Variants in RBL1 observed in about 807,000 individuals in gnomAD.
The protein encoded by RBL1 is RB transcriptional corepressor like 1.
In RBL1, 82 loss-of-function variants were observed where a neutral mutation model predicts 123.0. The observed-to-expected ratio is 0.67, with a 90% CI of 0.56 to 0.80. The LOEUF (loss-of-function observed/expected upper bound fraction) is 0.80, where lower values mean the gene tolerates loss of function less well. Ranked by LOEUF, RBL1 falls within the 30% of genes least tolerant of loss-of-function variation. The probability of loss-of-function intolerance (pLI) is 0.00; values close to 1 mark genes in which losing one functional copy is unlikely to be tolerated. For synonymous variants in RBL1, 405 were observed against 441.3 expected, an observed-to-expected ratio of 0.92 and a Z score of 1.03; for missense variants, 1,171 against 1,299.6, an observed-to-expected ratio of 0.90 and a Z score of 1.52.
chr20:37,068,682 C>A (rs963557065), intron 2 of RBL1, among the ~76,000 whole-genome samples: 15 of 152,106 alleles, frequency 9.9e-5, no homozygotes, highest in Non-Finnish European at 1.9e-4. Context: ...ATTACCTAGA[C>A]AATATTTTGC....
At chr20:37,087,426 G>C (rs2065566802) in intron 2 of RBL1, among the ~76,000 whole-genome samples, 1 of 151,816 alleles carries the variant, frequency 6.6e-6, no homozygotes, top group South Asian at 2.1e-4. Context: ...TCTATAAAAA[G>C]ATTTAAAAAT....
chr20:37,052,666 C>T (rs566870650), intron 11 of RBL1, among the ~76,000 whole-genome samples: 3 of 152,090 alleles, frequency 2.0e-5, no homozygotes, highest in South Asian at 4.1e-4. Context: ...TGCGCCACCA[C>T]GCCTGGCTAA....
At chr20:37,088,280 A>AG (rs556044850) in intron 2 of RBL1, among the ~76,000 whole-genome samples, 161 of 151,636 alleles carry the variant, frequency 1.1e-3, no homozygotes, top group Middle Eastern at 3.4e-3. Context: ...AAAAAAAAAA[A>AG]AGAGAGAGAG....
chr20:37,031,377 T>C (rs531782987), intron 16 of RBL1, among the ~76,000 whole-genome samples: 18 of 152,038 alleles, frequency 1.2e-4, no homozygotes, highest in Non-Finnish European at 2.5e-4. Context: ...ATTAAAAAAA[T>C]GGGCAAAAGA....
intron 21 of RBL1, among the ~76,000 whole-genome samples, chr20:37,000,011 G>A (rs1405444105): frequency 6.6e-6 from 1 of 151,352 alleles, no homozygotes; most frequent in Non-Finnish European, 1.5e-5. Flanking sequence ...AGTGAGGAGT[G>A]TCTCTGCCCG....
rs748784881 is a variant in RBL1, at chr20:37,003,819, T to G, written c.2919A>C (p.Pro973=). 2 of 1,613,984 alleles carry G rather than the reference T, an allele frequency of 1.2e-6. No individual in the cohort carries two copies. Among genetic ancestry groups the G allele is most frequent in the Admixed American group, 3.3e-5 (2 of 59,970 alleles). Residue 973 remains proline, a synonymous_variant, in exon 21 of 22, where the codon CCA becomes CCC. Coordinates refer to ENST00000373664, the MANE Select transcript of RBL1 (RefSeq NM_002895.5). Reference sequence around the variant, plus strand: ...GCTGGGAAATGCGGCGTGGTGAGCCTGGCTGTTGTTTAATATGTGGAAAAG... The same window carrying G: ...GCTGGGAAATGCGGCGTGGTGAGCCGGGCTGTTGTTTAATATGTGGAAAAG... The part of the protein sequence containing the change: ...LSPFPHIKQQ[P]GSPRRISQQH...
intron 21 of RBL1, among the ~76,000 whole-genome samples, chr20:37,000,235 G>A (rs1161659600): frequency 6.7e-6 from 1 of 148,526 alleles, no homozygotes; most frequent in South Asian, 2.1e-4. Context: ...CCTCTGAGAA[G>A]TGAGGAGCCC....
At chr20:37,086,657 T>C (rs1234655387) in intron 2 of RBL1, among the ~76,000 whole-genome samples, 2 of 152,202 alleles carry the variant, frequency 1.3e-5, no homozygotes, top group African/African-American at 2.4e-5. Context: ...GAATAGCAAA[T>C]AGACAATGAC....
intron 2 of RBL1, among the ~76,000 whole-genome samples, chr20:37,069,357 G>A (rs1022188802): frequency 1.3e-5 from 2 of 148,650 alleles, no homozygotes; most frequent in Admixed American, 6.7e-5. Context: ...AGTGAGGAGC[G>A]TCTCCGCCCG....
chr20:37,077,495 A>T (rs1436611321), intron 2 of RBL1, among the ~76,000 whole-genome samples: 1 of 152,080 alleles, frequency 6.6e-6, no homozygotes, highest in Non-Finnish European at 1.5e-5. Context: ...AGTAAGAAGA[A>T]ATTCTACCAC....
chr20:37,053,439 T>G (rs1161480119), intron 11 of RBL1, among the ~76,000 whole-genome samples: 2 of 152,132 alleles, frequency 1.3e-5, no homozygotes, highest in East Asian at 1.9e-4. Context: ...TAAGTGTGGG[T>G]GTGTGTGTGT....
At chr20:37,076,281 T>C (rs1044963834) in intron 2 of RBL1, among the ~76,000 whole-genome samples, 7 of 152,218 alleles carry the variant, frequency 4.6e-5, no homozygotes, top group African/African-American at 1.7e-4. Flanking sequence ...CATATACCTA[T>C]GATAAAGTTT....
chr20:37,093,900 CAA>C (rs1290526528), intron 1 of RBL1, among the ~76,000 whole-genome samples: 3 of 152,070 alleles, frequency 2.0e-5, no homozygotes, highest in Admixed American at 6.6e-5. Context: ...CTCAGCCTCC[CAA>C]AGTGGTGGGA....
intron 2 of RBL1, among the ~76,000 whole-genome samples, chr20:37,088,319 A>T (rs1243830573): frequency 6.6e-6 from 1 of 152,000 alleles, no homozygotes; most frequent in Admixed American, 6.6e-5. Context: ...AAGAAAGAAA[A>T]ATCAAATGAG....
chr20:37,043,574 CAGA>C (rs1452664958), intron 13 of RBL1, among the ~76,000 whole-genome samples: 2 of 152,084 alleles, frequency 1.3e-5, no homozygotes, highest in East Asian at 1.9e-4. Context: ...ACTTGAGAGG[CAGA>C]AGGACAGTTT....
chr20:37,084,821 A>G (rs1331322809), intron 2 of RBL1, among the ~76,000 whole-genome samples: 2 of 152,248 alleles, frequency 1.3e-5, no homozygotes, highest in African/African-American at 4.8e-5. Context: ...GCTAGAGTGC[A>G]ATAGCACAAT....
chr20:37,040,210 G>C lies in RBL1; in HGVS notation c.1846C>G (p.Pro616Ala). 1 of 1,614,078 alleles carries C rather than the reference G, an allele frequency of 6.2e-7. No individual in the cohort carries two copies. Among genetic ancestry groups the C allele is most frequent in the Non-Finnish European group, 8.5e-7 (1 of 1,180,004 alleles). ...TCCTTGACTCTTGGGTGCATTAGAG[G>C]AGACATTGGCATCAGGGGAAGATGT... ...QGHLPLMPMSPLMHPRVKEVR... is the reference protein window; with the variant it reads ...QGHLPLMPMSALMHPRVKEVR... The change falls in exon 14 of 22, where the codon CCT (proline) becomes GCT (alanine). Residue 616 changes from proline to alanine, a missense_variant. Coordinates refer to ENST00000373664, the MANE Select transcript of RBL1 (RefSeq NM_002895.5).
intron 21 of RBL1, among the ~76,000 whole-genome samples, chr20:37,000,926 G>A (rs1486254420): frequency 2.1e-5 from 3 of 141,362 alleles, no homozygotes; most frequent in South Asian, 2.3e-4. Flanking sequence ...CCGGCCAGCC[G>A]CCCCATCCGG....
chr20:37,049,488 G>C, intron 11 of RBL1: 1 of 755,164 alleles, frequency 1.3e-6, no homozygotes, highest in Non-Finnish European at 2.4e-6. Context: ...AAAGGAAGAA[G>C]TCTTACACCA....
Sources: allele counts gnomAD v4.1 joint callset (sites outside exome capture counted in the v4.1 genomes callset), GRCh38; gene constraint gnomAD v4.1.1; transcripts MANE v1.5; gene names NCBI Gene and HGNC (gene_info 2026-07-23, HGNC 2026-07-21).